The following ARHGEF10L variants were observed in gnomAD, a reference collection of about 807,000 sequenced individuals.
ARHGEF10L encodes Rho guanine nucleotide exchange factor 10 like.
Under a neutral mutation model 141.2 loss-of-function variants are expected in ARHGEF10L, and 69 were observed. The observed-to-expected ratio is 0.49, with a 90% CI of 0.40 to 0.60. The LOEUF (loss-of-function observed/expected upper bound fraction) is 0.60, where lower values mean the gene tolerates loss of function less well. Among genes scored for constraint, ARHGEF10L ranks in the 20% least tolerant of loss-of-function variants. The pLI is 0.00. For missense variants in ARHGEF10L, 1,482 were observed against 1,734.3 expected (o/e 0.85, Z 2.58); for synonymous variants, 711 against 718.5 (o/e 0.99, Z 0.17).
intron 27 of ARHGEF10L, among the ~76,000 whole-genome samples, chr1:17,690,565 G>C (rs540986684): frequency 6.6e-6 from 1 of 152,388 alleles, no homozygotes; most frequent in African/African-American, 2.4e-5. Context: ...AGTGCAGACA[G>C]AGGTGACCGC....
At chr1:17,606,973 C>A (rs1402013568) in intron 6 of ARHGEF10L, among the ~76,000 whole-genome samples, 2 of 152,232 alleles carry the variant, frequency 1.3e-5, no homozygotes, top group Non-Finnish European at 2.9e-5. Flanking sequence ...CAGTCCAAGG[C>A]ATTTCCCGCA....
intron 22 of ARHGEF10L, among the ~76,000 whole-genome samples, chr1:17,653,820 A>G (rs1454925312): frequency 1.3e-5 from 2 of 152,220 alleles, no homozygotes; most frequent in East Asian, 3.9e-4. Context: ...CTGACCTTCA[A>G]GTTGGCATCT....
intron 7 of ARHGEF10L, among the ~76,000 whole-genome samples, chr1:17,612,358 G>C (rs1317621688): frequency 1.3e-5 from 2 of 152,102 alleles, no homozygotes; most frequent in Non-Finnish European, 2.9e-5. Flanking sequence ...TCATCTGACT[G>C]TCTCTTCATC....
At chr1:17,664,095 C>G (rs2062813510) in intron 25 of ARHGEF10L, among the ~76,000 whole-genome samples, 1 of 152,144 alleles carries the variant, frequency 6.6e-6, no homozygotes, top group South Asian at 2.1e-4. Context: ...TTCTGTCTTC[C>G]CAGCACCCAG....
At chr1:17,519,292 AC>A in the ARHGEF10L span, among the ~76,000 whole-genome samples, 1 of 151,632 alleles carries the variant, frequency 6.6e-6, no homozygotes, top group African/African-American at 2.4e-5. Context: ...TCAGGTAGGG[AC>A]TATTATAATC....
intron 22 of ARHGEF10L, among the ~76,000 whole-genome samples, chr1:17,650,168 G>C (rs898038815): frequency 1.3e-5 from 2 of 152,148 alleles, no homozygotes; most frequent in Middle Eastern, 3.2e-3. Context: ...CCAGCACTTT[G>C]GGAGGCTGAG....
Position 17,673,274 on chromosome 1 carries a change from C to T in ARHGEF10L, c.3009+8679C>T, listed in dbSNP as rs1027247876. Among the ~76,000 whole-genome samples the T allele has an allele frequency of 2.6e-5, 4 of 152,064 alleles. No homozygotes were observed. The highest frequency in any genetic ancestry group is 5.9e-5 in the Non-Finnish European group (4 of 68,010). ...GTCTTAGCTGGTAGCAGCCAGCCCC[C>T]GATCCTCGCCTCCCCTCCACTCTGT... On this transcript the variant is annotated intron_variant, in intron 26 of 28. Transcript: ENST00000361221. This position sits in a 1 kb window ranked among gnomAD's most constrained non-coding sequence, Gnocchi z 4.1.
At chr1:17,524,419 A>ACACACG in the ARHGEF10L span, among the ~76,000 whole-genome samples, 1 of 140,302 alleles carries the variant, frequency 7.1e-6, no homozygotes, top group South Asian at 2.3e-4. Flanking sequence ...ACACACACAC[A>ACACACG]CAAAATTAGC....
intron 27 of ARHGEF10L, among the ~76,000 whole-genome samples, chr1:17,688,538 G>C (rs1458785546): frequency 6.6e-6 from 1 of 152,244 alleles, no homozygotes; most frequent in African/African-American, 2.4e-5. Flanking sequence ...AGTGTGGGAG[G>C]GTGCAGTGGC....
intron 22 of ARHGEF10L, among the ~76,000 whole-genome samples, chr1:17,652,249 C>CAGG (rs1453007629): frequency 2.0e-5 from 3 of 152,032 alleles, no homozygotes; most frequent in African/African-American, 7.2e-5. Context: ...GGGCAGGAGG[C>CAGG]AGGAGTAGGT....
At position 17,627,423 on chromosome 1, in the gene ARHGEF10L, G is replaced by A. The variant is rs749081097; in HGVS notation, c.1504G>A (p.Glu502Lys). Residue 502 changes from glutamate (E) to lysine (K), a missense_variant, in exon 15 of 29, where the codon GAG (glutamate) becomes AAG (lysine). Transcript: ENST00000361221. This position sits in a 1 kb window ranked among gnomAD's most constrained non-coding sequence, Gnocchi z 4.0. ...ELETLAEKLN[E>K]QKRLADQVAE... The stretch of plus-strand genomic sequence containing the variant: ...GGAGACGCTGGCTGAGAAGCTGAAC[G>A]AGCAGAAGCGGCTGGCTGACCAGGT... 3.1e-6 allele frequency: 5 copies of A among 1,613,756 alleles called. No homozygotes were observed. Among genetic ancestry groups the A allele is most frequent in the Admixed American group, 1.7e-5 (1 of 60,012 alleles).
chr1:17,646,238 G>A (rs1468491265), intron 21 of ARHGEF10L, among the ~76,000 whole-genome samples: 2 of 152,164 alleles, frequency 1.3e-5, no homozygotes, highest in Admixed American at 6.5e-5. Flanking sequence ...CAGCATTCAG[G>A]TGCCACCTCT....
chr1:17,576,079 G>A (rs1386535426), intron 1 of ARHGEF10L, among the ~76,000 whole-genome samples: 1 of 152,086 alleles, frequency 6.6e-6, no homozygotes, highest in Non-Finnish European at 1.5e-5. Flanking sequence ...CACGACTTGC[G>A]CAGCCTTCCA....
chr1:17,693,082 T>C (rs1249897071), intron 27 of ARHGEF10L, among the ~76,000 whole-genome samples: 1 of 152,226 alleles, frequency 6.6e-6, no homozygotes, highest in Non-Finnish European at 1.5e-5. Context: ...TTACATCCCT[T>C]GTTTCTGTTT....
chr1:17,618,195 G>A, intron 9 of ARHGEF10L: 1 of 832,954 alleles, frequency 1.2e-6, no homozygotes, highest in Non-Finnish European at 1.8e-6. Context: ...CAGGCCAGCT[G>A]GCTGGGAACT....
intron 4 of ARHGEF10L, among the ~76,000 whole-genome samples, chr1:17,593,563 G>T (rs149414037): frequency 6.6e-6 from 1 of 152,084 alleles, no homozygotes; most frequent in Non-Finnish European, 1.5e-5. Flanking sequence ...AATGGAGGAC[G>T]GGATTGTGAC....
Position 17,644,964 on chromosome 1 carries a change from G to A in ARHGEF10L, c.2273-3590G>A, listed in dbSNP as rs148434834. ...TCAGAGAGGGTAAGCACTTGGCTCC[G>A]TGTCACATAGTGAGTTGGAGACTGA... On this transcript the variant is annotated intron_variant, in intron 21 of 28. Coordinates refer to ENST00000361221, the MANE Select transcript of ARHGEF10L (RefSeq NM_018125.4). The surrounding 1 kb of genome is among the most constrained non-coding windows in gnomAD (Gnocchi z 4.5). Among the ~76,000 whole-genome samples the A allele has an allele frequency of 5.3e-4, 81 of 152,260 alleles. No homozygotes were observed. The highest frequency in any genetic ancestry group is 3.4e-3 in the Middle Eastern group (1 of 294).
intron 1 of ARHGEF10L, among the ~76,000 whole-genome samples, chr1:17,553,107 G>A (rs551832031): frequency 1.9e-4 from 29 of 152,280 alleles, no homozygotes; most frequent in Non-Finnish European, 3.8e-4. Flanking sequence ...GCAGACCCGG[G>A]ACCAGAACCC....
Position 17,632,484 on chromosome 1 carries a change from G to A in ARHGEF10L, c.1730+18G>A. 1 of 1,613,810 alleles carries A rather than the reference G, an allele frequency of 6.2e-7. No individual in the cohort carries two copies. The highest frequency in any genetic ancestry group is 8.5e-7 in the Non-Finnish European group (1 of 1,179,824). ...AACTTCAAGTAAGTGGGCCTGGGTT[G>A]GAGGGGGCAATCACCCCTCCCTGGA... On this transcript the variant is annotated intron_variant, in intron 16 of 28. Transcript: ENST00000361221.
Sources: allele counts gnomAD v4.1 joint callset (sites outside exome capture counted in the v4.1 genomes callset), GRCh38; gene constraint gnomAD v4.1.1; non-coding constraint Gnocchi (gnomAD v3.1); transcripts MANE v1.5; gene names NCBI Gene and HGNC (gene_info 2026-07-23, HGNC 2026-07-21).